ZNF236: variants seen among roughly 807,000 people sequenced by gnomAD.
The protein encoded by ZNF236 is regulated by glucose.
Under a neutral mutation model 191.2 loss-of-function variants are expected in ZNF236, and 50 were observed. That is an observed-to-expected ratio of 0.26 (90% CI 0.21 to 0.33). ZNF236 has a LOEUF of 0.33. ZNF236 is among the 10% of genes least tolerant of loss of function. The probability of loss-of-function intolerance (pLI) is 1.00; values close to 1 mark genes in which losing one functional copy is unlikely to be tolerated. For missense variants in ZNF236, 1,754 were observed against 2,374.5 expected (o/e 0.74, Z 5.43); for synonymous variants, 907 against 928.8 (o/e 0.98, Z 0.43).
intron 1 of ZNF236, among the ~76,000 whole-genome samples, chr18:76,841,539 C>T (rs752046810): frequency 1.3e-5 from 2 of 152,222 alleles, no homozygotes; most frequent in Admixed American, 6.5e-5. Flanking sequence ...TTCATTGGAA[C>T]TACTCATGCC....
At chr18:76,948,338 A>G (rs1199040171) in intron 27 of ZNF236, among the ~76,000 whole-genome samples, 2 of 152,180 alleles carry the variant, frequency 1.3e-5, no homozygotes, top group African/African-American at 4.8e-5. Flanking sequence ...TTTTTCACAA[A>G]GAGATGAGAT....
At chr18:76,954,765 T>A (rs1036185909) in intron 27 of ZNF236, among the ~76,000 whole-genome samples, 1 of 152,174 alleles carries the variant, frequency 6.6e-6, no homozygotes, top group African/African-American at 2.4e-5. Context: ...CCTACAGATA[T>A]GTGTAGACAG....
At chr18:76,912,459 A>G (rs1264494575) in intron 17 of ZNF236, 112 bp downstream of exon 17, 2 of 676,706 alleles carry the variant, frequency 3.0e-6, no homozygotes, top group East Asian at 2.8e-5. Context: ...AAAACTGTTC[A>G]AAACAGTTCC....
intron 27 of ZNF236, among the ~76,000 whole-genome samples, chr18:76,953,835 C>T (rs574337023): frequency 1.8e-4 from 28 of 152,282 alleles, no homozygotes; most frequent in African/African-American, 6.0e-4. Flanking sequence ...GATCCGCGCC[C>T]GTTCTTTCCG....
At chr18:76,879,508 A>G (rs1976814341) in intron 7 of ZNF236, among the ~76,000 whole-genome samples, 1 of 152,166 alleles carries the variant, frequency 6.6e-6, no homozygotes, top group South Asian at 2.1e-4. Flanking sequence ...ACGGGTTTTG[A>G]CAAAGGTAGA....
At chr18:76,967,409 G>A (rs113618761) in intron 30 of ZNF236, among the ~76,000 whole-genome samples, 23 of 9,048 alleles carry the variant, frequency 2.5e-3, no homozygotes, top group Admixed American at 3.7e-3. Context: ...GTTGGAGGTG[G>A]TGTGATCTGT....
chr18:76,915,887 T>C lies in ZNF236; in HGVS notation c.3274+28T>C, dbSNP rs754295906. 2.5e-6 allele frequency: 4 copies of C among 1,590,434 alleles called. No individual in the cohort carries two copies. In the South Asian group the frequency reaches 3.3e-5, roughly 13 times the overall value. ...ATTTTCCATTTGTTGATTCAAGGTGTATTAACCCGATGCTAATTTAGGAAT... is the reference window on the plus strand; with the variant it reads ...ATTTTCCATTTGTTGATTCAAGGTGCATTAACCCGATGCTAATTTAGGAAT... On this transcript the variant is annotated intron_variant, in intron 19 of 30. Coordinates refer to ENST00000320610, the MANE Select transcript of ZNF236 (RefSeq NM_001306089.2).
intron 10 of ZNF236, among the ~76,000 whole-genome samples, chr18:76,896,189 C>T (rs1453838377): frequency 6.6e-6 from 1 of 151,952 alleles, no homozygotes; most frequent in African/African-American, 2.4e-5. Context: ...TGGTACCAAA[C>T]ACAGGTACTA....
At chr18:76,961,380 TGTG>T (rs1968664018) in intron 30 of ZNF236, among the ~76,000 whole-genome samples, 1 of 150,966 alleles carries the variant, frequency 6.6e-6, no homozygotes, top group Non-Finnish European at 1.5e-5. Context: ...TGTGTGTGTG[TGTG>T]TGTGTGTGTG....
At chr18:76,906,650 G>A (rs1038338731) in intron 13 of ZNF236, among the ~76,000 whole-genome samples, 2 of 152,144 alleles carry the variant, frequency 1.3e-5, no homozygotes, top group African/African-American at 4.8e-5. Flanking sequence ...CCTTGTTTCC[G>A]GACCCAGTGA....
At chr18:76,926,775 G>A (rs1599401401) in intron 22 of ZNF236, among the ~76,000 whole-genome samples, 1 of 150,536 alleles carries the variant, frequency 6.6e-6, no homozygotes, top group Non-Finnish European at 1.5e-5. Flanking sequence ...TGTGTGTATG[G>A]TATAAAGGGT....
At chr18:76,837,121 A>ACCCCC (rs1257822007) in intron 1 of ZNF236, among the ~76,000 whole-genome samples, 4 of 32,766 alleles carry the variant, frequency 1.2e-4, no homozygotes, top group Admixed American at 3.9e-4. Context: ...AGTGATCCGC[A>ACCCCC]CCCCCTCCCC....
intron 6 of ZNF236, among the ~76,000 whole-genome samples, chr18:76,876,705 A>G (rs532458897): frequency 6.6e-6 from 1 of 152,324 alleles, no homozygotes; most frequent in South Asian, 2.1e-4. Flanking sequence ...TTTCGGAAGA[A>G]TAAATTTGGG....
chr18:76,847,691 G>C (rs571168715), intron 1 of ZNF236, among the ~76,000 whole-genome samples: 37 of 152,190 alleles, frequency 2.4e-4, no homozygotes, highest in Middle Eastern at 3.4e-3. Context: ...GGATGGTCTT[G>C]ATCTCCTGAC....
At chr18:76,856,947 G>A (rs2122542974) in intron 3 of ZNF236, among the ~76,000 whole-genome samples, 2 of 152,288 alleles carry the variant, frequency 1.3e-5, no homozygotes, top group African/African-American at 4.8e-5. Flanking sequence ...TGATCTGCCT[G>A]GTACAGATCC....
At chr18:76,914,335 T>A (rs574122791) in intron 18 of ZNF236, among the ~76,000 whole-genome samples, 1 of 152,354 alleles carries the variant, frequency 6.6e-6, no homozygotes, top group East Asian at 1.9e-4. Flanking sequence ...GTGATGGACA[T>A]TGGAGTTATT....
At chr18:76,936,670 C>T (rs920436875) in intron 25 of ZNF236, among the ~76,000 whole-genome samples, 2 of 152,220 alleles carry the variant, frequency 1.3e-5, no homozygotes, top group Admixed American at 6.5e-5. Flanking sequence ...ATCCCGTAAG[C>T]TCAGGAGCTA....
chr18:76,955,878 G>A (rs368897069), intron 27 of ZNF236, 107 bp from the exon 28 acceptor site: 20 of 1,258,142 alleles, frequency 1.6e-5, no homozygotes, highest in South Asian at 1.0e-4. Context: ...TGGGCTTGGC[G>A]TGTCCGTGCT....
Position 76,824,102 on chromosome 18 carries a change from C to T in ZNF236, c.55+1440C>T, listed in dbSNP as rs972447374. The T allele has an allele frequency of 1.8e-5, 10 of 553,516 alleles. 1 individual carries two copies. In the Admixed American group the frequency reaches 3.0e-4, roughly 17 times the overall value. 34.3% of individuals were successfully genotyped at this position (553,516 alleles called of 1,614,324 possible). A position where few individuals can be genotyped will look rare whatever the true frequency, so the allele number is the denominator to read the frequency against. On this transcript the variant is annotated intron_variant, in intron 1 of 30. Transcript: ENST00000320610. ...TCCCCTTTTCTTGGGGATGAGTAAA[C>T]TGAGGCTCATTAAAGAGCTTGTGAC...
Sources: allele counts gnomAD v4.1 joint callset (sites outside exome capture counted in the v4.1 genomes callset), GRCh38; gene constraint gnomAD v4.1.1; transcripts MANE v1.5; gene names NCBI Gene and HGNC (gene_info 2026-07-23, HGNC 2026-07-21).